The following EPHA6 variants were observed in gnomAD, a reference collection of about 807,000 sequenced individuals.
The protein encoded by EPHA6 is ephrin type-A receptor 6.
Under a neutral mutation model 112.0 loss-of-function variants are expected in EPHA6, and 50 were observed. That is an observed-to-expected ratio of 0.45 (90% CI 0.36 to 0.56). EPHA6 has a LOEUF of 0.56. Among genes scored for constraint, EPHA6 ranks in the 20% least tolerant of loss-of-function variants. The probability of loss-of-function intolerance (pLI) is 0.00; values close to 1 mark genes in which losing one functional copy is unlikely to be tolerated. For missense variants in EPHA6, 1,280 were observed against 1,417.4 expected (o/e 0.90, Z 1.56); for synonymous variants, 529 against 490.7 (o/e 1.08, Z -1.03).
At chr3:96,925,619 T>TC (rs1553731834) in intron 2 of EPHA6, among the ~76,000 whole-genome samples, 69 of 148,986 alleles carry the variant, frequency 4.6e-4, no homozygotes, top group African/African-American at 1.4e-3. Context: ...TTTTTTTTTT[T>TC]CCCAAGACAG....
chr3:97,487,131 G>A (rs1453338706), intron 10 of EPHA6, among the ~76,000 whole-genome samples: 14 of 152,160 alleles, frequency 9.2e-5, no homozygotes, highest in Admixed American at 9.2e-4. Context: ...AGGATATTCA[G>A]GCAGAATTAA....
intron 9 of EPHA6, among the ~76,000 whole-genome samples, chr3:97,483,153 T>C (rs1474242737): frequency 6.6e-6 from 1 of 152,220 alleles, no homozygotes; most frequent in Non-Finnish European, 1.5e-5. Context: ...AGAGGCAGTC[T>C]ATGACTTCTT....
chr3:97,708,317 C>T (rs935151626), intron 14 of EPHA6, among the ~76,000 whole-genome samples: 2 of 152,192 alleles, frequency 1.3e-5, no homozygotes, highest in African/African-American at 2.4e-5. Flanking sequence ...TTTGCCCCTA[C>T]CCTAGAGATC....
intron 3 of EPHA6, among the ~76,000 whole-genome samples, chr3:97,119,195 A>G (rs1304842079): frequency 1.3e-5 from 2 of 152,012 alleles, no homozygotes; most frequent in Middle Eastern, 3.2e-3. Flanking sequence ...ACAAAGCAGG[A>G]CAGGAGCAGA....
rs146086859 is a variant in EPHA6 at position 96,854,707 on chromosome 3, C to A, written c.386-12118C>A. On this transcript the variant is annotated intron_variant, in intron 1 of 17. Transcript: ENST00000389672. Reference sequence around the variant, plus strand: ...ATTTGAAGAGAAAATGAGTTTTGAACAGAAAATGGAGAAATCAGATTTTCA... The same window carrying A: ...ATTTGAAGAGAAAATGAGTTTTGAAAAGAAAATGGAGAAATCAGATTTTCA... Among the ~76,000 whole-genome samples the A allele has an allele frequency of 1.4e-3, 207 of 152,036 alleles. 2 individuals are homozygous for A. The East Asian group carries it at 0.027, about 20-fold the overall frequency.
intron 5 of EPHA6, among the ~76,000 whole-genome samples, chr3:97,263,154 TTAACCA>T (rs1293742899): frequency 6.6e-6 from 1 of 152,198 alleles, no homozygotes; most frequent in Non-Finnish European, 1.5e-5. Flanking sequence ...TCAATATTTA[TTAACCA>T]TACCTACAGT....
At chr3:97,299,289 A>G (rs916481529) in intron 5 of EPHA6, among the ~76,000 whole-genome samples, 3 of 151,364 alleles carry the variant, frequency 2.0e-5, no homozygotes, top group Non-Finnish European at 4.4e-5. Flanking sequence ...TCATTTTCCT[A>G]TGTAAGGAAT....
chr3:97,446,784 T>C (rs897266744), intron 6 of EPHA6, among the ~76,000 whole-genome samples: 38 of 152,176 alleles, frequency 2.5e-4, no homozygotes, highest in African/African-American at 9.2e-4. Context: ...TTCTCCACAA[T>C]ATGTGTTTTA....
At chr3:97,276,049 A>AG (rs1361440292) in intron 5 of EPHA6, among the ~76,000 whole-genome samples, 3 of 152,126 alleles carry the variant, frequency 2.0e-5, no homozygotes, top group African/African-American at 7.2e-5. Flanking sequence ...TAAGAGGTTT[A>AG]AAGCCTGGCC....
Position 96,921,223 on chromosome 3 carries a change from C to T in EPHA6, c.450+54334C>T, listed in dbSNP as rs200770236. On this transcript the variant is annotated intron_variant, in intron 2 of 17. Transcript: ENST00000389672. Reference sequence around the variant, plus strand: ...GTATAGTGTAACTTTCTGAAAGTCACTAAATGAAAATCAGTAAGTACTTTT... The same window carrying T: ...GTATAGTGTAACTTTCTGAAAGTCATTAAATGAAAATCAGTAAGTACTTTT... Among the ~76,000 whole-genome samples, 10 of 151,856 alleles carry T rather than the reference C, an allele frequency of 6.6e-5. No individual in the cohort carries two copies. In the East Asian group the frequency reaches 7.7e-4, roughly 12 times the overall value.
At chr3:96,884,274 A>G (rs1305247610) in intron 2 of EPHA6, among the ~76,000 whole-genome samples, 2 of 151,810 alleles carry the variant, frequency 1.3e-5, no homozygotes, top group African/African-American at 2.4e-5. Context: ...TGGTTTTTTG[A>G]TGGGGATTGC....
rs145843946 is a variant in EPHA6, at chr3:97,294,896, A to G, written c.1606+50609A>G. On this transcript the variant is annotated intron_variant, in intron 5 of 17. Transcript: ENST00000389672. The stretch of plus-strand genomic sequence containing the variant: ...ATATTATTCTTTCAGAACATTGAAT[A>G]TATTTTTCCATTCTCACATAGCCTA... Among the ~76,000 whole-genome samples, 565 of 152,274 alleles carry G rather than the reference A, an allele frequency of 3.7e-3. 1 individual carries two copies. Among genetic ancestry groups the G allele is most frequent in the African/African-American group, 0.013 (520 of 41,558 alleles).
intron 14 of EPHA6, among the ~76,000 whole-genome samples, chr3:97,703,818 CA>C (rs1313083567): frequency 5.3e-5 from 8 of 152,000 alleles, no homozygotes; most frequent in Non-Finnish European, 1.2e-4. Context: ...AATTTGTTTT[CA>C]GGGGGAAAAA....
intron 5 of EPHA6, among the ~76,000 whole-genome samples, chr3:97,395,874 A>G (rs1220558481): frequency 6.6e-6 from 1 of 151,758 alleles, no homozygotes; most frequent in African/African-American, 2.4e-5. Context: ...GAGAGAAAAG[A>G]AAAGAGGATG....
chr3:97,633,600 A>G (rs1282820054), intron 13 of EPHA6, among the ~76,000 whole-genome samples: 1 of 152,106 alleles, frequency 6.6e-6, no homozygotes, highest in Non-Finnish European at 1.5e-5. Context: ...ACATAAAGGG[A>G]TAATACTCAT....
intron 14 of EPHA6, among the ~76,000 whole-genome samples, chr3:97,678,157 C>A (rs1181972924): frequency 1.3e-5 from 2 of 152,042 alleles, no homozygotes; most frequent in Non-Finnish European, 2.9e-5. Context: ...GACTGGAAAT[C>A]TGGTGCCTTG....
At chr3:97,737,429 T>TTTA (rs969239917) in intron 16 of EPHA6, among the ~76,000 whole-genome samples, 1 of 152,044 alleles carries the variant, frequency 6.6e-6, no homozygotes, top group African/African-American at 2.4e-5. Flanking sequence ...ATAAGAGAAT[T>TTTA]TTATTATTAT....
chr3:96,905,051 T>C (rs548317718), intron 2 of EPHA6, among the ~76,000 whole-genome samples: 10 of 151,886 alleles, frequency 6.6e-5, no homozygotes, highest in Non-Finnish European at 1.5e-4. Context: ...TTTATGAGAG[T>C]TTTGCCAAAG....
chr3:97,259,203 A>C (rs1292089486), intron 5 of EPHA6, among the ~76,000 whole-genome samples: 2 of 152,306 alleles, frequency 1.3e-5, no homozygotes, highest in African/African-American at 4.8e-5. Flanking sequence ...CACCACATTA[A>C]AAACCTCACT....
Sources: allele counts gnomAD v4.1 joint callset (sites outside exome capture counted in the v4.1 genomes callset), GRCh38; gene constraint gnomAD v4.1.1; transcripts MANE v1.5; gene names NCBI Gene and HGNC (gene_info 2026-07-23, HGNC 2026-07-21).